The following C7orf57 variants were observed in gnomAD, a reference collection of about 807,000 sequenced individuals.
C7orf57 encodes chromosome 7 open reading frame 57.
In C7orf57, 33 loss-of-function variants were observed where a neutral mutation model predicts 39.0. That is an observed-to-expected ratio of 0.85 (90% CI 0.64 to 1.13). The LOEUF (loss-of-function observed/expected upper bound fraction) is 1.13. Among genes scored for constraint, C7orf57 ranks in the 50% most tolerant of loss-of-function variants. The probability of loss-of-function intolerance (pLI) is 0.00; values close to 1 mark genes in which losing one functional copy is unlikely to be tolerated. For synonymous variants in C7orf57, 124 were observed against 137.1 expected, an observed-to-expected ratio of 0.90 and a Z score of 0.67; for missense variants, 346 against 362.3, an observed-to-expected ratio of 0.95 and a Z score of 0.37.
intron 4 of C7orf57, among the ~76,000 whole-genome samples, chr7:48,044,422 C>A (rs575150654): frequency 2.6e-4 from 39 of 152,212 alleles, no homozygotes; most frequent in Admixed American, 5.9e-4. Flanking sequence ...TGTCCCTCCC[C>A]CTTTGCTCTC....
intron 6 of C7orf57, among the ~76,000 whole-genome samples, chr7:48,051,883 C>CTCTT (rs1790956396): frequency 1.0e-5 from 1 of 100,428 alleles, no homozygotes; most frequent in Non-Finnish European, 2.1e-5. Flanking sequence ...CTTTCTCTTT[C>CTCTT]TTTCTTTCCT....
intron 8 of C7orf57, 28 bp downstream of exon 8, chr7:48,054,634 A>C (rs1199054767): frequency 6.5e-7 from 1 of 1,541,110 alleles, no homozygotes; most frequent in African/African-American, 1.4e-5. Flanking sequence ...AACCAGCACC[A>C]AAACACAAAA....
In C7orf57 at chr7:48,043,499, C is replaced by T. The variant is rs761296578; in HGVS notation, c.260C>T (p.Ala87Val). 4.3e-6 allele frequency: 7 copies of T among 1,613,652 alleles called. No individual in the cohort carries two copies. Among genetic ancestry groups the T allele is most frequent in the Non-Finnish European group, 5.9e-6 (7 of 1,179,714 alleles). ...TTTTGAGATTTGTTGAAGCACTTTG[C>T]CCCTGGAACCAGGAAAGGCTCTCCA... Reference protein sequence around the residue: ...GGRPDLLKHFAPGTRKGSPVA... With the variant: ...GGRPDLLKHFVPGTRKGSPVA... The change falls in exon 4 of 9, where the codon GCC becomes GTC. Residue 87 changes from alanine to valine, a missense_variant. Coordinates refer to ENST00000348904, the MANE Select transcript of C7orf57 (RefSeq NM_001100159.3).
intron 6 of C7orf57, among the ~76,000 whole-genome samples, chr7:48,051,521 A>G (rs1314499464): frequency 6.6e-6 from 1 of 151,178 alleles, no homozygotes; most frequent in African/African-American, 2.4e-5. Context: ...TATTTTTAGT[A>G]GAGATGGTTT....
intron 8 of C7orf57, among the ~76,000 whole-genome samples, chr7:48,056,879 A>G (rs1318639481): frequency 6.6e-6 from 1 of 152,118 alleles, no homozygotes; most frequent in African/African-American, 2.4e-5. Flanking sequence ...CATTTATTGA[A>G]GAAACTGTCC....
intron 2 of C7orf57, 25 bp downstream of exon 2, chr7:48,036,388 G>T: frequency 1.3e-6 from 2 of 1,551,816 alleles, no homozygotes; most frequent in Non-Finnish European, 8.7e-7. Flanking sequence ...AGCGCGTCCC[G>T]GCCAGAAAGA....
At chr7:48,055,533 C>T (rs942376997) in intron 8 of C7orf57, among the ~76,000 whole-genome samples, 1 of 151,918 alleles carries the variant, frequency 6.6e-6, no homozygotes, top group Admixed American at 6.6e-5. Context: ...CTTTATTCAC[C>T]TTGCTGTGAA....
intron 2 of C7orf57, among the ~76,000 whole-genome samples, chr7:48,040,578 TA>T (rs1309955835): frequency 3.3e-5 from 5 of 152,250 alleles, no homozygotes; most frequent in Non-Finnish European, 5.9e-5. Context: ...TTGAAAACAG[TA>T]ATTACATATT....
chr7:48,042,614 G>C (rs1790583348), intron 3 of C7orf57, among the ~76,000 whole-genome samples: 1 of 151,720 alleles, frequency 6.6e-6, no homozygotes, highest in South Asian at 2.1e-4. Context: ...TCAGGGTATA[G>C]GGGAACTCAT....
At chr7:48,044,995 T>G (rs1299723870) in intron 4 of C7orf57, among the ~76,000 whole-genome samples, 3 of 152,236 alleles carry the variant, frequency 2.0e-5, no homozygotes, top group Non-Finnish European at 2.9e-5. Flanking sequence ...TTTTCTTCCC[T>G]TCCTTCTGCT....
intron 2 of C7orf57, among the ~76,000 whole-genome samples, chr7:48,041,034 G>T (rs954446617): frequency 4.6e-5 from 7 of 152,146 alleles, no homozygotes; most frequent in Non-Finnish European, 8.8e-5. Flanking sequence ...GAGACATCAT[G>T]GGGCTTGGGT....
intron 5 of C7orf57, 144 bp downstream of exon 5, chr7:48,046,760 C>T: frequency 1.2e-6 from 1 of 848,768 alleles, no homozygotes; most frequent in East Asian, 2.7e-5. Flanking sequence ...AAGTTTGGAT[C>T]TACTAAAAGG....
At chr7:48,047,677 T>C (rs1473504685) in intron 5 of C7orf57, among the ~76,000 whole-genome samples, 2 of 152,168 alleles carry the variant, frequency 1.3e-5, no homozygotes, top group African/African-American at 4.8e-5. Flanking sequence ...AGACCTTTTA[T>C]TGTTGTTTTT....
chr7:48,059,831 G>A (rs930846870), intron 8 of C7orf57, among the ~76,000 whole-genome samples: 7 of 152,182 alleles, frequency 4.6e-5, no homozygotes, highest in African/African-American at 1.7e-4. Flanking sequence ...ACAGGCTTGG[G>A]AGCAGGGACA....
intron 4 of C7orf57, among the ~76,000 whole-genome samples, chr7:48,045,168 C>T (rs1790677655): frequency 6.6e-6 from 1 of 152,232 alleles, no homozygotes; most frequent in South Asian, 2.1e-4. Flanking sequence ...AGACCACCTG[C>T]TCCAGGTCCT....
At chr7:48,037,993 G>A (rs780033043) in intron 2 of C7orf57, among the ~76,000 whole-genome samples, 16 of 152,098 alleles carry the variant, frequency 1.1e-4, no homozygotes. Flanking sequence ...ACAATCAAAC[G>A]CCTTCTCTCA....
chr7:48,043,138 C>T (rs1425250521), intron 3 of C7orf57, among the ~76,000 whole-genome samples: 1 of 152,120 alleles, frequency 6.6e-6, no homozygotes, highest in Non-Finnish European at 1.5e-5. Context: ...CATGTGCAGC[C>T]CCTGGAGACC....
rs1172366733 is a variant in C7orf57, at chr7:48,035,552, T to G, written c.-180T>G. ...GGCGCGCTGGGAGTTTGGGTTTGGT[T>G]GGCTGCAGCCAGCCAGCCGTGTAAA... On this transcript the variant is annotated 5_prime_UTR_variant, in exon 1 of 9. Transcript: ENST00000348904. The surrounding 1 kb of genome is among the most constrained non-coding windows in gnomAD (Gnocchi z 4.0). 1 of 698,542 alleles carries G rather than the reference T, an allele frequency of 1.4e-6. No individual in the cohort carries two copies. Among genetic ancestry groups the G allele is most frequent in the South Asian group, 1.5e-5 (1 of 67,258 alleles). 43.3% of individuals were successfully genotyped at this position (698,542 alleles called of 1,614,324 possible). A position where few individuals can be genotyped will look rare whatever the true frequency, so the allele number is the denominator to read the frequency against.
intron 2 of C7orf57, among the ~76,000 whole-genome samples, chr7:48,040,448 CTGAGA>C (rs1170142631): frequency 6.6e-6 from 1 of 152,228 alleles, no homozygotes; most frequent in Non-Finnish European, 1.5e-5. Flanking sequence ...GAATTTCCAG[CTGAGA>C]TGTTTTTCCA....
Sources: allele counts gnomAD v4.1 joint callset (sites outside exome capture counted in the v4.1 genomes callset), GRCh38; gene constraint gnomAD v4.1.1; non-coding constraint Gnocchi (gnomAD v3.1); transcripts MANE v1.5; gene names NCBI Gene and HGNC (gene_info 2026-07-23, HGNC 2026-07-21).